The following ZNF618 variants were observed in gnomAD, a reference collection of about 807,000 sequenced individuals.
The protein encoded by ZNF618 is neural precursor cell expressed, developmentally down-regulated 10.
A neutral mutation model predicts 103.0 loss-of-function variants in ZNF618; 34 were observed. The observed-to-expected ratio is 0.33, with a 90% CI of 0.25 to 0.44. ZNF618 has a LOEUF of 0.44. Ranked by LOEUF, ZNF618 falls within the 20% of genes least tolerant of loss-of-function variation. The pLI is 1.00. For missense variants in ZNF618, 1,059 were observed against 1,295.4 expected (o/e 0.82, Z 2.80); for synonymous variants, 551 against 542.2 (o/e 1.02, Z -0.23).
At chr9:114,034,060 A>G (rs796942401) in intron 12 of ZNF618, among the ~76,000 whole-genome samples, 10 of 152,356 alleles carry the variant, frequency 6.6e-5, no homozygotes, top group African/African-American at 2.2e-4. Flanking sequence ...AAGTGGCTTG[A>G]TGAACACACA....
At chr9:113,909,054 G>C (rs1483345732) in intron 1 of ZNF618, among the ~76,000 whole-genome samples, 2 of 151,944 alleles carry the variant, frequency 1.3e-5, no homozygotes, top group Non-Finnish European at 2.9e-5. Flanking sequence ...GCTGAGCTGG[G>C]ATAGGAGCCA....
intron 1 of ZNF618, among the ~76,000 whole-genome samples, chr9:113,955,592 G>A (rs1013114679): frequency 2.0e-5 from 3 of 151,776 alleles, no homozygotes; most frequent in African/African-American, 4.8e-5. Context: ...GATTGTGGTT[G>A]GCTGACCAGG....
intron 3 of ZNF618, among the ~76,000 whole-genome samples, chr9:113,997,043 G>A (rs1840676292): frequency 7.0e-6 from 1 of 143,056 alleles, no homozygotes; most frequent in African/African-American, 2.5e-5. Context: ...CCTGGTAAAG[G>A]TTCTCTCTCT....
At chr9:113,892,859 T>G (rs1829728763) in intron 1 of ZNF618, among the ~76,000 whole-genome samples, 1 of 152,246 alleles carries the variant, frequency 6.6e-6, no homozygotes, top group Admixed American at 6.5e-5. Flanking sequence ...CATCTTTTCC[T>G]GCCTGATTTG....
rs1004213431 is a variant in ZNF618, at chr9:114,049,799, A to G, written c.2497A>G (p.Ile833Val). The change falls in exon 15 of 15, where the codon ATC becomes GTC. Residue 833 changes from isoleucine (I) to valine (V), a missense_variant. Ile to Val is a conservative substitution (Grantham distance 29). This residue lies in a region of ZNF618 where 156 missense variants were observed against 197.1 expected (regional missense o/e 0.79). Coordinates refer to ENST00000374126, the MANE Select transcript of ZNF618 (RefSeq NM_001318042.2). ...EEIIGKVCEL[I>V]NEVKESWAEE... is the part of the protein sequence containing the mutation. ...GATCATCGGCAAGGTCTGTGAGCTC[A>G]TCAACGAGGTGAAGGAGTCCTGGGC... The G allele has an allele frequency of 1.2e-6, 2 of 1,614,008 alleles. No homozygotes were observed. Among genetic ancestry groups the G allele is most frequent in the Non-Finnish European group, 1.7e-6 (2 of 1,179,904 alleles).
At position 114,005,753 on chromosome 9, in the gene ZNF618, G is replaced by A. The variant is rs918443509; in HGVS notation, c.551-1597G>A. Among the ~76,000 whole-genome samples, 5 of 152,216 alleles carry A rather than the reference G, an allele frequency of 3.3e-5. No individual in the cohort carries two copies. In the South Asian group the frequency reaches 1.0e-3, roughly 31 times the overall value. ...CTGGACGGGACCTGATGGGGAAGTT[G>A]TCTAAGTTGATTGCTGGCTACATGA... On this transcript the variant is annotated intron_variant, in intron 6 of 14. Transcript: ENST00000374126.
chr9:114,032,704 A>G lies in ZNF618; in HGVS notation c.1144A>G (p.Asn382Asp). ...AGCACAAAACCACTTTGAAGAGACG[A>G]ACAGCAGTTCGCAGAACTCCAGCGG... is the stretch of plus-strand genomic sequence containing the variant. Reference protein sequence around the residue: ...GKAQNHFEETNSSSQNSSEPY... With the variant: ...GKAQNHFEETDSSSQNSSEPY... The change falls in exon 12 of 15, where the codon AAC (asparagine) becomes GAC (aspartate). Residue 382 changes from asparagine (N) to aspartate (D), a missense_variant. Transcript: ENST00000374126. 1.2e-6 allele frequency: 2 copies of G among 1,614,060 alleles called. No homozygotes were observed. Among genetic ancestry groups the G allele is most frequent in the Non-Finnish European group, 1.7e-6 (2 of 1,179,892 alleles).
At chr9:113,947,661 C>A (rs1835167944) in intron 1 of ZNF618, among the ~76,000 whole-genome samples, 2 of 152,252 alleles carry the variant, frequency 1.3e-5, no homozygotes, top group Admixed American at 1.3e-4. Flanking sequence ...TCGGGAGACC[C>A]CTTGGGATGA....
intron 1 of ZNF618, among the ~76,000 whole-genome samples, chr9:113,881,775 A>G (rs1587914791): frequency 6.6e-6 from 1 of 152,234 alleles, no homozygotes; most frequent in East Asian, 1.9e-4. Flanking sequence ...GAGGCATTTC[A>G]GCCTGTAGTG....
At chr9:113,878,248 A>T (rs563964823) in intron 1 of ZNF618, among the ~76,000 whole-genome samples, 2 of 152,288 alleles carry the variant, frequency 1.3e-5, no homozygotes, top group African/African-American at 4.8e-5. Flanking sequence ...GGGATGGGCA[A>T]AAAGGAGATG....
At chr9:114,012,149 A>G (rs1335441852) in intron 9 of ZNF618, among the ~76,000 whole-genome samples, 1 of 152,158 alleles carries the variant, frequency 6.6e-6, no homozygotes, top group African/African-American at 2.4e-5. Flanking sequence ...CTGTTTGACA[A>G]CCTCCATCTC....
chr9:113,963,662 A>G (rs1056940483), intron 1 of ZNF618, among the ~76,000 whole-genome samples: 3 of 152,238 alleles, frequency 2.0e-5, no homozygotes, highest in Non-Finnish European at 4.4e-5. Flanking sequence ...TTTGAGGTCA[A>G]TTGATATATT....
intron 1 of ZNF618, among the ~76,000 whole-genome samples, chr9:113,903,152 C>T (rs951282270): frequency 6.6e-6 from 1 of 152,200 alleles, no homozygotes; most frequent in Non-Finnish European, 1.5e-5. Flanking sequence ...TGAATCCCAT[C>T]TAAGGACCTC....
chr9:113,937,598 A>G (rs543716719), intron 1 of ZNF618, among the ~76,000 whole-genome samples: 1 of 152,362 alleles, frequency 6.6e-6, no homozygotes, highest in South Asian at 2.1e-4. Context: ...TCTTATGAGT[A>G]CAGGCCAGTT....
chr9:114,032,605 A>G lies in ZNF618; in HGVS notation c.1085-40A>G, dbSNP rs537894063. ...CTCCCTTGAGACCTAGTGCTGACCA[A>G]TCACCATTGTTTTCTTTCTCTCTCC... On this transcript the variant is annotated intron_variant, in intron 11 of 14. Coordinates refer to ENST00000374126, the MANE Select transcript of ZNF618 (RefSeq NM_001318042.2). The G allele has an allele frequency of 7.3e-5, 117 of 1,597,798 alleles. No individual in the cohort carries two copies. In the South Asian group the frequency reaches 1.1e-3, roughly 15 times the overall value.
chr9:113,893,447 G>A (rs563485540), intron 1 of ZNF618, among the ~76,000 whole-genome samples: 1 of 152,048 alleles, frequency 6.6e-6, no homozygotes, highest in Non-Finnish European at 1.5e-5. Flanking sequence ...AAAATAAAAA[G>A]ATCATCCTAA....
intron 12 of ZNF618, among the ~76,000 whole-genome samples, chr9:114,035,548 C>T (rs1370668226): frequency 5.3e-5 from 8 of 152,080 alleles, no homozygotes; most frequent in East Asian, 3.9e-4. Flanking sequence ...CCATCGCAGC[C>T]GTCTTTTTCT....
chr9:113,913,398 A>G (rs1405783391), intron 1 of ZNF618, among the ~76,000 whole-genome samples: 1 of 152,258 alleles, frequency 6.6e-6, no homozygotes, highest in East Asian at 1.9e-4. Flanking sequence ...TCCCCCTGAC[A>G]AACCCTGCAA....
At chr9:113,976,469 C>T (rs1838476531) in intron 2 of ZNF618, among the ~76,000 whole-genome samples, 2 of 152,294 alleles carry the variant, frequency 1.3e-5, no homozygotes, top group Admixed American at 1.3e-4. Context: ...TTTGCACAAC[C>T]TCACCATCTG....
Sources: gnomAD v4.1 joint callset for allele counts (sites outside exome capture counted in the v4.1 genomes callset) on GRCh38, gnomAD v4.1.1 for gene constraint, gnomAD v4.1.1 regional missense constraint, MANE v1.5 for transcripts, NCBI Gene and HGNC (gene_info 2026-07-23, HGNC 2026-07-21) for gene names.